Variants in AKAP7 observed in about 807,000 individuals in gnomAD.
AKAP7 encodes A-kinase anchoring protein 7, also known as A kinase (PRKA) anchor protein 7.
Under a neutral mutation model 39.5 loss-of-function variants are expected in AKAP7, and 39 were observed. That is an observed-to-expected ratio of 0.99 (90% CI 0.76 to 1.29). The LOEUF (loss-of-function observed/expected upper bound fraction) is 1.29, where lower values mean the gene tolerates loss of function less well. AKAP7 is among the 50% of genes most tolerant of loss of function. The probability of loss-of-function intolerance (pLI) is 0.00; values close to 1 mark genes in which losing one functional copy is unlikely to be tolerated. For synonymous variants in AKAP7, 140 were observed against 139.1 expected, an observed-to-expected ratio of 1.01 and a Z score of -0.05; for missense variants, 414 against 407.7, an observed-to-expected ratio of 1.02 and a Z score of -0.13.
intron 5 of AKAP7, among the ~76,000 whole-genome samples, chr6:131,189,499 G>T (rs1247716786): frequency 6.6e-6 from 1 of 150,416 alleles, no homozygotes; most frequent in Non-Finnish European, 1.5e-5. Context: ...TGCAAAAAGG[G>T]TATATAAGTA....
In AKAP7 at chr6:131,156,295, AGG is replaced by A. The variant is rs964801366; in HGVS notation, c.152-3760_152-3759del. Among the ~76,000 whole-genome samples, 3 of 152,244 alleles carry A rather than the reference AGG, an allele frequency of 2.0e-5. No individual in the cohort carries two copies. The East Asian group carries it at 5.8e-4, about 29-fold the overall frequency. ...TGATTTGTAATTTTACCTTAAAAAA[AGG>A]GGGTCTTGCTTTTGAAATTTATTTT... On this transcript the variant is annotated intron_variant, in intron 2 of 7. Transcript: ENST00000431975.
chr6:131,220,676 T>A (rs1031182768), intron 7 of AKAP7, among the ~76,000 whole-genome samples: 1 of 152,210 alleles, frequency 6.6e-6, no homozygotes, highest in African/African-American at 2.4e-5. Context: ...AATTGAAGGT[T>A]TGTAGCAACC....
At chr6:131,185,303 C>T in intron 5 of AKAP7, 1 of 482,338 alleles carries the variant, frequency 2.1e-6, no homozygotes, top group South Asian at 1.8e-5. Flanking sequence ...AATCCTAGAA[C>T]CTGGTTACTT....
chr6:131,209,530 G>A (rs374315318), intron 6 of AKAP7, among the ~76,000 whole-genome samples: 3 of 152,252 alleles, frequency 2.0e-5, no homozygotes, highest in Admixed American at 1.3e-4. Flanking sequence ...GATTACAAGC[G>A]TGAGCCACCA....
intron 3 of AKAP7, among the ~76,000 whole-genome samples, chr6:131,161,686 T>TAAAAAAAAAAAAAAAAAAAAAAAA (rs1392090781): frequency 2.5e-5 from 2 of 78,888 alleles, no homozygotes; most frequent in African/African-American, 4.6e-5. Flanking sequence ...AAAAAAAAAT[T>TAAAAAAAAAAAAAAAAAAAAAAAA]AAAGGTCCTA....
chr6:131,262,843 A>G (rs1317851971), intron 7 of AKAP7, among the ~76,000 whole-genome samples: 3 of 152,226 alleles, frequency 2.0e-5, no homozygotes, highest in Non-Finnish European at 4.4e-5. Flanking sequence ...CTCTCAATCC[A>G]TATTAATGAT....
chr6:131,164,317 A>G (rs1485710435), intron 3 of AKAP7: 1 of 452,826 alleles, frequency 2.2e-6, no homozygotes, highest in Non-Finnish European at 4.4e-6. Flanking sequence ...TTTCAAATGT[A>G]CTCACATTTA....
At chr6:131,156,649 C>A (rs746304006) in intron 2 of AKAP7, among the ~76,000 whole-genome samples, 2 of 151,464 alleles carry the variant, frequency 1.3e-5, no homozygotes, top group Non-Finnish European at 2.9e-5. Context: ...CAAAACAAAA[C>A]AAAAAAATAA....
At chr6:131,131,442 C>T (rs575423104), upstream of AKAP7, among the ~76,000 whole-genome samples, 2 of 149,768 alleles carry the variant, frequency 1.3e-5, no homozygotes, top group Admixed American at 1.4e-4. Flanking sequence ...ATTAAGATTA[C>T]CCGTGATATT....
intron 7 of AKAP7, among the ~76,000 whole-genome samples, chr6:131,272,049 A>G (rs1019081674): frequency 2.0e-5 from 3 of 152,134 alleles, no homozygotes; most frequent in Non-Finnish European, 4.4e-5. Context: ...TGCCTTCCAT[A>G]AGGCTTTGTT....
rs138502126 is a variant in AKAP7, at chr6:131,281,558, C to T, written c.879C>T (p.Asp293=). The change falls in exon 8 of 8, where the codon GAC becomes GAT. Residue 293 remains aspartate, a synonymous_variant. Transcript: ENST00000431975. This position sits in a 1 kb window ranked among gnomAD's most constrained non-coding sequence, Gnocchi z 4.0. ...IGEKNGGEPD[D]AELVRLSKRL... ...AAAAGAACGGAGGGGAGCCCGATGA[C>T]GCTGAACTAGTAAGGCTCAGTAAGA... The T allele has an allele frequency of 6.2e-6, 10 of 1,611,042 alleles. No individual in the cohort carries two copies. In the African/African-American group the frequency reaches 6.7e-5, roughly 11 times the overall value.
chr6:131,140,198 C>T (rs632318), intron 1 of AKAP7, among the ~76,000 whole-genome samples: 28,086 of 152,074 alleles, frequency 0.18, 2,797 homozygotes, highest in Middle Eastern at 0.28. Context: ...TAAAAAAATA[C>T]CAGAGGTTGG....
chr6:131,201,853 G>C (rs893369708), intron 6 of AKAP7, among the ~76,000 whole-genome samples: 9 of 151,966 alleles, frequency 5.9e-5, no homozygotes, highest in Non-Finnish European at 1.3e-4. Flanking sequence ...ATAGGGAATC[G>C]TTTCCCCATT....
At chr6:131,182,474 A>G (rs1322129774) in intron 5 of AKAP7, among the ~76,000 whole-genome samples, 1 of 152,216 alleles carries the variant, frequency 6.6e-6, no homozygotes, top group Admixed American at 6.5e-5. Context: ...GTATCATGTC[A>G]GAACTTTATT....
chr6:131,250,681 G>C, intron 7 of AKAP7: 1 of 1,545,564 alleles, frequency 6.5e-7, no homozygotes, highest in Non-Finnish European at 8.9e-7. Flanking sequence ...TGTCTTCTAG[G>C]GGTAGTTTTG....
intron 7 of AKAP7, among the ~76,000 whole-genome samples, chr6:131,275,602 G>A (rs1374897340): frequency 1.3e-5 from 2 of 152,194 alleles, no homozygotes; most frequent in Non-Finnish European, 2.9e-5. Flanking sequence ...TATCAGGAAA[G>A]GGGAAGCAGG....
At chr6:131,188,688 G>A (rs1469136134) in intron 5 of AKAP7, among the ~76,000 whole-genome samples, 1 of 151,616 alleles carries the variant, frequency 6.6e-6, no homozygotes, top group Non-Finnish European at 1.5e-5. Flanking sequence ...ACAGGCATAG[G>A]CCATCACACC....
Position 131,264,009 on chromosome 6 carries a change from A to G in AKAP7, c.851-17521A>G, listed in dbSNP as rs147798981. On this transcript the variant is annotated intron_variant, in intron 7 of 7. Coordinates refer to ENST00000431975, the MANE Select transcript of AKAP7 (RefSeq NM_016377.4). Reference sequence around the variant, plus strand: ...TTTTTCCCCCCATTCTTTACTTGCTATTATAATTTATGTTTCCTTTGGGTC... The same window carrying G: ...TTTTTCCCCCCATTCTTTACTTGCTGTTATAATTTATGTTTCCTTTGGGTC... Among the ~76,000 whole-genome samples, 182 of 152,196 alleles carry G rather than the reference A, an allele frequency of 1.2e-3. 3 individuals are homozygous for G. The highest frequency in any genetic ancestry group is 5.2e-3 in the South Asian group (25 of 4,820).
intron 6 of AKAP7, among the ~76,000 whole-genome samples, chr6:131,218,491 G>A (rs187188149): frequency 4.0e-4 from 61 of 152,316 alleles, no homozygotes; most frequent in South Asian, 3.3e-3. Context: ...GTGGCAGTTT[G>A]TAGTGATTTA....
Sources: gnomAD v4.1 joint callset for allele counts (sites outside exome capture counted in the v4.1 genomes callset) on GRCh38, gnomAD v4.1.1 for gene constraint, Gnocchi (gnomAD v3.1) non-coding constraint, MANE v1.5 for transcripts, NCBI Gene and HGNC (gene_info 2026-07-23, HGNC 2026-07-21) for gene names.